The following CELF2 variants were observed in gnomAD, a reference collection of about 807,000 sequenced individuals.
The protein encoded by CELF2 is CUGBP Elav-like family member 2.
Under a neutral mutation model 62.6 loss-of-function variants are expected in CELF2, and 8 were observed. The observed-to-expected ratio is 0.13, with a 90% CI of 0.07 to 0.23. CELF2 has a LOEUF of 0.23. CELF2 is among the 10% of genes least tolerant of loss of function. CELF2 has a pLI of 1.00. For missense variants in CELF2, 333 were observed against 671.0 expected (o/e 0.50, Z 5.56); for synonymous variants, 258 against 250.0 (o/e 1.03, Z -0.30).
At chr10:10,839,705 G>C (rs1333020610) in intron 1 of CELF2, among the ~76,000 whole-genome samples, 1 of 152,152 alleles carries the variant, frequency 6.6e-6, no homozygotes, top group African/African-American at 2.4e-5. Context: ...TGGGATTCCT[G>C]GACCTTATGA....
chr10:10,611,485 G>A, the CELF2 span, among the ~76,000 whole-genome samples: 2 of 152,094 alleles, frequency 1.3e-5, no homozygotes, highest in Admixed American at 6.6e-5. Flanking sequence ...TTTAGAACCC[G>A]TAAGTCACCA....
At chr10:10,935,063 ATTTTTTCCTGACATTCAC>A (rs1315203037) in intron 2 of CELF2, 4 of 152,036 alleles carry the variant, frequency 2.6e-5, no homozygotes, top group Admixed American at 2.6e-4. Flanking sequence ...CTCAATTGCC[ATTTTTTCCTGACATTCAC>A]TGTGGAAATT....
the CELF2 span, among the ~76,000 whole-genome samples, chr10:10,600,689 G>T: frequency 6.6e-6 from 1 of 152,060 alleles, no homozygotes; most frequent in Admixed American, 6.5e-5. Context: ...GAGGACAAAA[G>T]TTGAGCAGAA....
intron 1 of CELF2, among the ~76,000 whole-genome samples, chr10:11,118,708 A>C (rs913204506): frequency 6.0e-4 from 92 of 152,248 alleles, no homozygotes; most frequent in African/African-American, 2.0e-3. Context: ...GTTGAAGAGA[A>C]ATGTTAAAGC....
Position 11,322,638 on chromosome 10 carries a change from G to GT in CELF2, c.1294+1268dup, listed in dbSNP as rs11348898. 2.3e-3 allele frequency among the ~76,000 whole-genome samples: 335 copies of GT among 147,650 alleles called. 2 individuals carry two copies. Among genetic ancestry groups the GT allele is most frequent in the African/African-American group, 5.8e-3 (228 of 39,586 alleles). On this transcript the variant is annotated intron_variant, in intron 11 of 12. Transcript: ENST00000633077. ...GAACACAGCTTAAAAGATACTCATG[G>GT]TTTTTTTTTTTTTTTTAAAGGAAGG... is the stretch of plus-strand genomic sequence containing the variant.
chr10:10,835,476 G>A (rs778441638), intron 1 of CELF2, among the ~76,000 whole-genome samples: 3 of 151,712 alleles, frequency 2.0e-5, no homozygotes, highest in African/African-American at 4.8e-5. Context: ...TCTGCCTCCC[G>A]GGTTCTAGCG....
chr10:11,291,085 A>G (rs1236609601), intron 9 of CELF2, among the ~76,000 whole-genome samples: 2 of 152,200 alleles, frequency 1.3e-5, no homozygotes, highest in African/African-American at 4.8e-5. Context: ...TACTTTTTAA[A>G]TAATAATAAA....
the CELF2 span, among the ~76,000 whole-genome samples, chr10:10,667,647 C>T: frequency 2.0e-5 from 3 of 152,292 alleles, no homozygotes; most frequent in Admixed American, 2.0e-4. Flanking sequence ...AACGTTCTCC[C>T]GTGTGTGGGC....
chr10:10,760,351 G>GACCC, the CELF2 span, among the ~76,000 whole-genome samples: 49 of 152,262 alleles, frequency 3.2e-4, no homozygotes, highest in African/African-American at 1.2e-3. Flanking sequence ...TGCTCCATGT[G>GACCC]ACCCAGACTG....
At chr10:10,541,334 A>C in the CELF2 span, among the ~76,000 whole-genome samples, 1 of 151,924 alleles carries the variant, frequency 6.6e-6, no homozygotes, top group Non-Finnish European at 1.5e-5. Flanking sequence ...CTCCACATCC[A>C]GGCTTCAAGA....
chr10:11,160,904 G>C (rs2065573712), intron 1 of CELF2, among the ~76,000 whole-genome samples: 1 of 152,130 alleles, frequency 6.6e-6, no homozygotes, highest in Non-Finnish European at 1.5e-5. Flanking sequence ...ACAGAAAGTT[G>C]CCCACAGAAC....
chr10:10,612,658 G>A, the CELF2 span, among the ~76,000 whole-genome samples: 1 of 152,162 alleles, frequency 6.6e-6, no homozygotes, highest in Admixed American at 6.5e-5. Context: ...TCAAAGTAAT[G>A]GGTTTGTATT....
chr10:11,204,271 G>C (rs748027917), intron 2 of CELF2, among the ~76,000 whole-genome samples: 2 of 152,180 alleles, frequency 1.3e-5, no homozygotes, highest in African/African-American at 2.4e-5. Flanking sequence ...TTACTAAATG[G>C]ATCAAACAGA....
At chr10:10,688,593 C>G in the CELF2 span, among the ~76,000 whole-genome samples, 1 of 152,200 alleles carries the variant, frequency 6.6e-6, no homozygotes, top group Non-Finnish European at 1.5e-5. Flanking sequence ...ACTCCTTGAT[C>G]ACCAGTTATT....
chr10:10,612,282 C>G, the CELF2 span, among the ~76,000 whole-genome samples: 1 of 152,134 alleles, frequency 6.6e-6, no homozygotes. Context: ...TCAATTTCCC[C>G]AGGCACCGGT....
At chr10:11,007,470 G>C (rs1444875367) in intron 1 of CELF2, among the ~76,000 whole-genome samples, 1 of 152,084 alleles carries the variant, frequency 6.6e-6, no homozygotes, top group African/African-American at 2.4e-5. Flanking sequence ...TTTTTCTATG[G>C]ACAGTATTTT....
At chr10:10,565,788 C>G in the CELF2 span, among the ~76,000 whole-genome samples, 1 of 152,156 alleles carries the variant, frequency 6.6e-6, no homozygotes, top group Non-Finnish European at 1.5e-5. Flanking sequence ...AAAGATGGAG[C>G]TACATTAGCT....
chr10:11,278,038 G>A (rs1370847415), intron 8 of CELF2, among the ~76,000 whole-genome samples: 1 of 152,110 alleles, frequency 6.6e-6, no homozygotes, highest in Non-Finnish European at 1.5e-5. Flanking sequence ...TGGTCGATGA[G>A]GTTTATAGCT....
the CELF2 span, among the ~76,000 whole-genome samples, chr10:10,633,534 G>A: frequency 3.3e-5 from 5 of 152,090 alleles, no homozygotes; most frequent in Non-Finnish European, 5.9e-5. Context: ...TATATTAAAT[G>A]TAACTGACAT....
Sources: allele counts gnomAD v4.1 joint callset (sites outside exome capture counted in the v4.1 genomes callset), GRCh38; gene constraint gnomAD v4.1.1; transcripts MANE v1.5; gene names NCBI Gene and HGNC (gene_info 2026-07-23, HGNC 2026-07-21).